Variants in PCDHGC5 observed in about 807,000 individuals in gnomAD.
The protein encoded by PCDHGC5 is protocadherin gamma subfamily C, 5.
A neutral mutation model predicts 59.0 loss-of-function variants in PCDHGC5; 25 were observed. The ratio of observed to expected loss-of-function variants is 0.42; its 90% CI spans 0.31 to 0.59. The LOEUF (loss-of-function observed/expected upper bound fraction) is 0.59, where lower values mean the gene tolerates loss of function less well. Among genes scored for constraint, PCDHGC5 ranks in the 20% least tolerant of loss-of-function variants. The pLI is 0.13. For synonymous variants in PCDHGC5, 434 were observed against 505.5 expected (o/e 0.86, Z 1.90); for missense variants, 1,067 against 1,206.4 (o/e 0.88, Z 1.71).
chr5:141,500,182 A>ATTTT lies in PCDHGC5; in HGVS notation c.2520-5209_2520-5206dup, dbSNP rs1199992745. Among the ~76,000 whole-genome samples the ATTTT allele has an allele frequency of 1.7e-3, 223 of 131,716 alleles. 2 individuals are homozygous for ATTTT. Among genetic ancestry groups the ATTTT allele is most frequent in the African/African-American group, 6.2e-3 (201 of 32,350 alleles). The allele number at this position is 131,716 out of a possible 152,430, so 86.4% of individuals were successfully genotyped here. On this transcript the variant is annotated intron_variant, in intron 2 of 3. Transcript: ENST00000252087. ...AAGAACATGCATGAGCTTCATTTTT[A>ATTTT]TTTTTATTTATTTATTTATTTATTT...
chr5:141,498,531 G>A (rs1384404653), intron 2 of PCDHGC5, among the ~76,000 whole-genome samples: 3 of 148,544 alleles, frequency 2.0e-5, no homozygotes, highest in Non-Finnish European at 4.4e-5. Context: ...CTGCCCTCCA[G>A]CCTGGTCTGG....
At chr5:141,499,022 AAGG>A (rs2099788758) in intron 2 of PCDHGC5, among the ~76,000 whole-genome samples, 3 of 150,722 alleles carry the variant, frequency 2.0e-5, no homozygotes, top group Non-Finnish European at 3.0e-5. Context: ...GGAAGGAAGG[AAGG>A]AAGAAAAGAA....
chr5:141,502,615 A>G (rs2099815317), intron 2 of PCDHGC5, among the ~76,000 whole-genome samples: 1 of 152,218 alleles, frequency 6.6e-6, no homozygotes, highest in Non-Finnish European at 1.5e-5. Context: ...TTGTGAAAAT[A>G]TAAGTAATCT....
chr5:141,506,737 C>T (rs893758261), intron 3 of PCDHGC5, among the ~76,000 whole-genome samples: 5 of 152,076 alleles, frequency 3.3e-5, no homozygotes, highest in African/African-American at 1.2e-4. Flanking sequence ...AGAATAATGC[C>T]TATTAATAAA....
intron 2 of PCDHGC5, 145 bp downstream of exon 2, chr5:141,495,010 G>GT: frequency 6.6e-7 from 1 of 1,516,970 alleles, no homozygotes; most frequent in East Asian, 2.5e-5. Flanking sequence ...GTGTGCGGGG[G>GT]GCTGGCACAC....
chr5:141,490,092 C>T lies in PCDHGC5; in HGVS notation c.852C>T (p.His284=). Residue 284 remains histidine (H), a synonymous_variant, in exon 1 of 4, where the codon CAC becomes CAT. Coordinates refer to ENST00000252087, the MANE Select transcript of PCDHGC5 (RefSeq NM_018929.3). This position sits in a 1 kb window ranked among gnomAD's most constrained non-coding sequence, Gnocchi z 5.4. ...NGQLDYSFGD[H]TSEAVRNLFG... ...AACTAGACTATTCTTTTGGAGACCA[C>T]ACATCTGAGGCAGTGCGGAACCTCT... 6.2e-7 allele frequency: 1 copy of T among 1,614,240 alleles called. No individual in the cohort carries two copies.
Position 141,489,363 on chromosome 5 carries a change from G to A in PCDHGC5, c.123G>A (p.Pro41=), listed in dbSNP as rs767837736. The change falls in exon 1 of 4, where the codon CCG becomes CCA. Residue 41 remains proline, a synonymous_variant. Transcript: ENST00000252087. This position sits in a 1 kb window ranked among gnomAD's most constrained non-coding sequence, Gnocchi z 4.5. ...ACTCAGTGGTGGAGGAGTCTGAGCC[G>A]GGGACGCTGGTGGGGAATGTTGCTC... The part of the protein sequence containing the change: ...LRYSVVEESE[P]GTLVGNVAQD... 46 of 1,613,114 alleles carry A rather than the reference G, an allele frequency of 2.9e-5. 1 individual carries two copies. In the South Asian group the frequency reaches 3.4e-4, roughly 12 times the overall value.
chr5:141,494,878 T>A lies in PCDHGC5; in HGVS notation c.2519+13T>A. Reference sequence around the variant, plus strand: ...CCGGCACCAGCGGGTAGGTGACTGATTCTCCAGCCCACCCTCTTCTCTGCG... The same window carrying A: ...CCGGCACCAGCGGGTAGGTGACTGAATCTCCAGCCCACCCTCTTCTCTGCG... On this transcript the variant is annotated intron_variant, in intron 2 of 3. Coordinates refer to ENST00000252087, the MANE Select transcript of PCDHGC5 (RefSeq NM_018929.3). The A allele has an allele frequency of 6.2e-7, 1 of 1,614,072 alleles. No homozygotes were observed. The highest frequency in any genetic ancestry group is 8.5e-7 in the Non-Finnish European group (1 of 1,179,986).
rs752401867 is a variant in PCDHGC5, at chr5:141,511,224, G to A, written c.*51G>A. On this transcript the variant is annotated 3_prime_UTR_variant, in exon 4 of 4. Transcript: ENST00000252087. ...GGGCGGCCTCTCCCCAACCAGCCCA[G>A]CTTCTCCTTACCTGCACCCAGGCCT... 1.2e-6 allele frequency: 2 copies of A among 1,603,276 alleles called. No homozygotes were observed.
At chr5:141,508,879 G>A (rs2547559) in intron 3 of PCDHGC5, among the ~76,000 whole-genome samples, 2 of 152,070 alleles carry the variant, frequency 1.3e-5, no homozygotes, top group East Asian at 3.9e-4. Context: ...AGAGGCTGAC[G>A]GCTGGAGGGG....
In PCDHGC5 at chr5:141,490,801, A is replaced by G; in HGVS notation, c.1561A>G (p.Thr521Ala). Residue 521 changes from threonine (T) to alanine (A), a missense_variant, in exon 1 of 4, where the codon ACC (threonine) becomes GCC (alanine). Transcript: ENST00000252087. The surrounding 1 kb of genome is among the most constrained non-coding windows in gnomAD (Gnocchi z 5.4). ...PEDGRIFAQRTFDYELLQMLQ... is the reference protein window; with the variant it reads ...PEDGRIFAQRAFDYELLQMLQ... ...GGATGGACGGATCTTTGCCCAGCGT[A>G]CCTTTGACTATGAATTGCTGCAGAT... The G allele has an allele frequency of 6.2e-7, 1 of 1,613,854 alleles. No homozygotes were observed. Among genetic ancestry groups the G allele is most frequent in the African/African-American group, 1.3e-5 (1 of 75,042 alleles).
chr5:141,491,616 C>T lies in PCDHGC5; in HGVS notation c.2376C>T (p.Pro792=). 1 of 1,613,944 alleles carries T rather than the reference C, an allele frequency of 6.2e-7. No homozygotes were observed. Among genetic ancestry groups the T allele is most frequent in the South Asian group, 1.1e-5 (1 of 91,082 alleles). Residue 792 remains proline (P), a synonymous_variant, in exon 1 of 4, where the codon CCC becomes CCT. Coordinates refer to ENST00000252087, the MANE Select transcript of PCDHGC5 (RefSeq NM_018929.3). The surrounding 1 kb of genome is among the most constrained non-coding windows in gnomAD (Gnocchi z 6.9). ...SDGSDFTFLR[P]LSVQQPTALA... ...GCAGTGACTTCACTTTTCTAAGACC[C>T]CTCAGCGTTCAGCAGCCCACAGCTC...
intron 2 of PCDHGC5, 160 bp from the exon 3 acceptor site, chr5:141,505,233 C>T: frequency 1.1e-6 from 1 of 872,838 alleles, no homozygotes; most frequent in Non-Finnish European, 1.4e-6. Context: ...ATTCTGGCTT[C>T]TGAAGGATTG....
intron 1 of PCDHGC5, among the ~76,000 whole-genome samples, chr5:141,492,080 G>A (rs576661909): frequency 6.6e-6 from 1 of 152,352 alleles, no homozygotes; most frequent in African/African-American, 2.4e-5. Context: ...GCCGGCTCCG[G>A]CACGCTTCGC....
At chr5:141,509,551 C>T (rs2099877337) in intron 3 of PCDHGC5, among the ~76,000 whole-genome samples, 1 of 152,164 alleles carries the variant, frequency 6.6e-6, no homozygotes, top group South Asian at 2.1e-4. Context: ...CTCATTTAGT[C>T]CTCACAGCAG....
At chr5:141,504,671 G>C (rs1459848730) in intron 2 of PCDHGC5, among the ~76,000 whole-genome samples, 1 of 111,068 alleles carries the variant, frequency 9.0e-6, no homozygotes, top group East Asian at 3.2e-4. Context: ...GGGGGGTGGG[G>C]GTTCTTGTAA....
intron 3 of PCDHGC5, among the ~76,000 whole-genome samples, chr5:141,509,952 C>T (rs954730777): frequency 7.2e-5 from 11 of 152,186 alleles, no homozygotes; most frequent in African/African-American, 2.2e-4. Flanking sequence ...CAAATGCTAC[C>T]GGGTATGGCC....
intron 1 of PCDHGC5, chr5:141,492,070 GCCGGCT>G (rs1329848558): frequency 2.1e-6 from 1 of 477,826 alleles, no homozygotes; most frequent in Non-Finnish European, 3.7e-6. Context: ...CCTCCTAGGC[GCCGGCT>G]CCGGCACGCT....
At chr5:141,500,455 C>T (rs1254764658) in intron 2 of PCDHGC5, among the ~76,000 whole-genome samples, 4 of 151,986 alleles carry the variant, frequency 2.6e-5, no homozygotes, top group Non-Finnish European at 5.9e-5. Context: ...GTGATCCGCC[C>T]GCCTCGGCCT....
Sources: gnomAD v4.1 joint callset for allele counts (sites outside exome capture counted in the v4.1 genomes callset) on GRCh38, gnomAD v4.1.1 for gene constraint, Gnocchi (gnomAD v3.1) non-coding constraint, MANE v1.5 for transcripts, NCBI Gene and HGNC (gene_info 2026-07-23, HGNC 2026-07-21) for gene names.